Variants in LPP observed in about 807,000 individuals in gnomAD.
The protein encoded by LPP is LIM domain containing preferred translocation partner in lipoma.
A neutral mutation model predicts 60.4 loss-of-function variants in LPP; 38 were observed. The observed-to-expected ratio is 0.63, with a 90% CI of 0.49 to 0.83. The LOEUF (loss-of-function observed/expected upper bound fraction) is 0.83, where lower values mean the gene tolerates loss of function less well. Ranked by LOEUF, LPP falls within the 40% of genes least tolerant of loss-of-function variation. The probability of loss-of-function intolerance (pLI) is 0.00; values close to 1 mark genes in which losing one functional copy is unlikely to be tolerated. For missense variants in LPP, 902 were observed against 783.6 expected (o/e 1.15, Z -1.80); for synonymous variants, 328 against 290.8 (o/e 1.13, Z -1.30).
rs1364769569 is a variant in LPP, at chr3:188,485,397, A to G, written c.306+693A>G. 2.0e-5 allele frequency among the ~76,000 whole-genome samples: 3 copies of G among 152,230 alleles called. No individual in the cohort carries two copies. In the East Asian group the frequency reaches 5.8e-4, roughly 29 times the overall value. On this transcript the variant is annotated intron_variant, in intron 5 of 11. Transcript: ENST00000617246. ...GTCAAGAAGAAAATCTAATAAAGTGATAGAATTATTGTTATAGTTTTAGGT... is the reference window on the plus strand; with the variant it reads ...GTCAAGAAGAAAATCTAATAAAGTGGTAGAATTATTGTTATAGTTTTAGGT...
chr3:188,349,761 A>T (rs1765348871), intron 3 of LPP, among the ~76,000 whole-genome samples: 1 of 152,226 alleles, frequency 6.6e-6, no homozygotes, highest in Admixed American at 6.5e-5. Context: ...GTAGCCGAAA[A>T]GGTGGCAGCA....
At chr3:188,235,032 A>G (rs992676222) in intron 2 of LPP, among the ~76,000 whole-genome samples, 2 of 152,138 alleles carry the variant, frequency 1.3e-5, no homozygotes. Context: ...CACTGGGACA[A>G]GAATAAAGGA....
At chr3:188,808,679 A>G (rs1749941403) in intron 9 of LPP, among the ~76,000 whole-genome samples, 1 of 151,916 alleles carries the variant, frequency 6.6e-6, no homozygotes, top group South Asian at 2.1e-4. Flanking sequence ...ATTTTATTCT[A>G]TTTTACTTTA....
At chr3:188,172,502 T>A (rs1721866892) in intron 1 of LPP, among the ~76,000 whole-genome samples, 1 of 152,242 alleles carries the variant, frequency 6.6e-6, no homozygotes, top group South Asian at 2.1e-4. Context: ...TTACCCTTAT[T>A]AAGTCACAAA....
chr3:188,783,493 G>T (rs1359332044), intron 9 of LPP, among the ~76,000 whole-genome samples: 1 of 152,124 alleles, frequency 6.6e-6, no homozygotes, highest in African/African-American at 2.4e-5. Context: ...TTATAAGTGA[G>T]AGCTGAATGA....
At chr3:188,753,783 G>A (rs2150359918) in intron 8 of LPP, among the ~76,000 whole-genome samples, 1 of 152,124 alleles carries the variant, frequency 6.6e-6, no homozygotes, top group African/African-American at 2.4e-5. Flanking sequence ...GGGTGTGTGT[G>A]AGTGTGTATA....
chr3:188,463,049 G>C (rs781049955), intron 4 of LPP, among the ~76,000 whole-genome samples: 2 of 152,186 alleles, frequency 1.3e-5, no homozygotes, highest in Non-Finnish European at 2.9e-5. Flanking sequence ...AGGCTGCAAT[G>C]AGCTGAGATT....
chr3:188,224,083 T>G (rs1716822787), intron 1 of LPP, among the ~76,000 whole-genome samples: 1 of 152,164 alleles, frequency 6.6e-6, no homozygotes, highest in Non-Finnish European at 1.5e-5. Context: ...TGGCTCTAGG[T>G]GTGACTCATG....
At chr3:188,655,777 A>C (rs1853055099) in intron 7 of LPP, among the ~76,000 whole-genome samples, 1 of 152,220 alleles carries the variant, frequency 6.6e-6, no homozygotes, top group Non-Finnish European at 1.5e-5. Context: ...AAGTTTATTT[A>C]AATTAAATAA....
At chr3:188,475,393 A>T (rs1009893530) in intron 4 of LPP, among the ~76,000 whole-genome samples, 1 of 152,244 alleles carries the variant, frequency 6.6e-6, no homozygotes, top group Non-Finnish European at 1.5e-5. Flanking sequence ...AGATTCTGCG[A>T]TTCATTTTAA....
intron 7 of LPP, among the ~76,000 whole-genome samples, chr3:188,648,985 G>C (rs1272754039): frequency 6.6e-6 from 1 of 152,122 alleles, no homozygotes; most frequent in Admixed American, 6.5e-5. Context: ...GTGTTTGCTT[G>C]ATTCTAATTC....
Position 188,524,733 on chromosome 3 carries a change from C to G in LPP, c.375C>G (p.Thr125=). 2 of 1,614,110 alleles carry G rather than the reference C, an allele frequency of 1.2e-6. No individual in the cohort carries two copies. The highest frequency in any genetic ancestry group is 1.7e-6 in the Non-Finnish European group (2 of 1,179,988). ...SSLDAEIDSL[T]SILADLECSS... ...TGGACGCTGAGATTGACTCCTTGAC[C>G]AGCATCTTGGCTGACCTTGAGTGCA... Residue 125 remains threonine (T), a synonymous_variant, in exon 6 of 12, where the codon ACC becomes ACG. Coordinates refer to ENST00000617246, the MANE Select transcript of LPP (RefSeq NM_001375462.1).
intron 6 of LPP, among the ~76,000 whole-genome samples, chr3:188,577,752 C>CCTTCCTTCCTTCCTTCCTTCT (rs772131875): frequency 8.7e-6 from 1 of 114,986 alleles, no homozygotes; most frequent in Non-Finnish European, 1.8e-5. Context: ...TTTGTTCCTT[C>CCTTCCTTCCTTCCTTCCTTCT]GTTCCTTCGT....
At chr3:188,563,049 A>G (rs942849215) in intron 6 of LPP, among the ~76,000 whole-genome samples, 4 of 151,916 alleles carry the variant, frequency 2.6e-5, no homozygotes, top group African/African-American at 7.2e-5. Flanking sequence ...AGAAATCATC[A>G]TCCCACTATT....
chr3:188,805,642 G>C (rs769104710), intron 9 of LPP, among the ~76,000 whole-genome samples: 63 of 151,526 alleles, frequency 4.2e-4, no homozygotes, highest in Non-Finnish European at 6.8e-4. Flanking sequence ...CTTGGCTTGG[G>C]TTAAGTTTGC....
At chr3:188,848,791 C>A (rs1417229946) in intron 9 of LPP, among the ~76,000 whole-genome samples, 1 of 152,034 alleles carries the variant, frequency 6.6e-6, no homozygotes, top group Non-Finnish European at 1.5e-5. Context: ...CATGGTGAAA[C>A]CCCATCTCTA....
intron 7 of LPP, among the ~76,000 whole-genome samples, chr3:188,611,437 G>A (rs1263309182): frequency 1.3e-5 from 2 of 152,154 alleles, no homozygotes; most frequent in Admixed American, 1.3e-4. Context: ...CCAGTCAAGG[G>A]GAGTCTATTT....
intron 7 of LPP, among the ~76,000 whole-genome samples, chr3:188,673,142 T>C (rs1576961233): frequency 6.6e-6 from 1 of 152,136 alleles, no homozygotes; most frequent in Non-Finnish European, 1.5e-5. Context: ...TTAAACAACC[T>C]GTGGAAGTTC....
In LPP at chr3:188,609,033, A is replaced by G. The variant is rs1843066456; in HGVS notation, c.430-128A>G. 2.7e-6 allele frequency: 2 copies of G among 744,812 alleles called. No homozygotes were observed. The highest frequency in any genetic ancestry group is 3.0e-5 in the Admixed American group (1 of 33,468). 46.1% of individuals were successfully genotyped at this position (744,812 alleles called of 1,614,324 possible). A position where few individuals can be genotyped will look rare whatever the true frequency, so the allele number is the denominator to read the frequency against. ...CACTTTGAAGGCAAGATTATGCCTT[A>G]TTTGTGTTCTACATAGTAATAAATA... On this transcript the variant is annotated intron_variant, in intron 6 of 11. Coordinates refer to ENST00000617246, the MANE Select transcript of LPP (RefSeq NM_001375462.1). This position sits in a 1 kb window ranked among gnomAD's most constrained non-coding sequence, Gnocchi z 6.9.
Sources: allele counts gnomAD v4.1 joint callset (sites outside exome capture counted in the v4.1 genomes callset), GRCh38; gene constraint gnomAD v4.1.1; non-coding constraint Gnocchi (gnomAD v3.1); transcripts MANE v1.5; gene names NCBI Gene and HGNC (gene_info 2026-07-23, HGNC 2026-07-21).